DNMT1: variants seen among roughly 807,000 people sequenced by gnomAD.
DNMT1 encodes DNA (cytosine-5)-methyltransferase 1.
Under a neutral mutation model 205.3 loss-of-function variants are expected in DNMT1, and 24 were observed. The ratio of observed to expected loss-of-function variants is 0.12; its 90% CI spans 0.08 to 0.16. The LOEUF is 0.16. Ranked by LOEUF, DNMT1 falls within the 10% of genes least tolerant of loss-of-function variation. The pLI is 1.00. For synonymous variants in DNMT1, 817 were observed against 839.8 expected (o/e 0.97, Z 0.47); for missense variants, 1,293 against 2,177.7 (o/e 0.59, Z 8.09).
At chr19:10,168,567 G>A (rs2038740164) in intron 9 of DNMT1, among the ~76,000 whole-genome samples, 1 of 152,172 alleles carries the variant, frequency 6.6e-6, no homozygotes, top group East Asian at 1.9e-4. Context: ...CTTGTGCCAG[G>A]TGTTCAAGAC....
chr19:10,155,824 G>A (rs763939648), intron 19 of DNMT1, 29 bp downstream of exon 19: 16 of 1,605,478 alleles, frequency 1.0e-5, no homozygotes, highest in East Asian at 6.7e-5. Context: ...TTCAGACCCC[G>A]GCCAGCCTAT....
At chr19:10,148,116 CA>C (rs35310173) in intron 27 of DNMT1, among the ~76,000 whole-genome samples, 22,289 of 59,356 alleles carry the variant, frequency 0.38, 2,112 homozygotes, top group African/African-American at 0.39. Flanking sequence ...AACTCTGTCT[CA>C]AAAAAAAAAA....
chr19:10,193,753 G>A (rs2039347160), intron 1 of DNMT1, among the ~76,000 whole-genome samples: 1 of 151,956 alleles, frequency 6.6e-6, no homozygotes, highest in Non-Finnish European at 1.5e-5. Flanking sequence ...AACCGGACTG[G>A]CCCAACCAGG....
chr19:10,167,064 C>G (rs1034726746), intron 10 of DNMT1, among the ~76,000 whole-genome samples: 1 of 152,206 alleles, frequency 6.6e-6, no homozygotes, highest in African/African-American at 2.4e-5. Flanking sequence ...GGACAGCTGA[C>G]TGCACACAGG....
rs184111860 is a variant in DNMT1, at chr19:10,152,397, T to C, written c.2020-550A>G. Among the ~76,000 whole-genome samples, 793 of 144,952 alleles carry C rather than the reference T, an allele frequency of 5.5e-3. 24 individuals are homozygous for C. The highest frequency in any genetic ancestry group is 0.05 in the Admixed American group (730 of 14,622). Reference sequence around the variant, plus strand: ...GTACATTGGGAGGCTGAAGCAGAGGTAGATGGATCACTTGAGTCCAAGAGT... The same window carrying C: ...GTACATTGGGAGGCTGAAGCAGAGGCAGATGGATCACTTGAGTCCAAGAGT... On this transcript the variant is annotated intron_variant, in intron 22 of 40. Coordinates refer to ENST00000359526, the MANE Select transcript of DNMT1 (RefSeq NM_001130823.3).
intron 1 of DNMT1, among the ~76,000 whole-genome samples, chr19:10,185,843 GAA>G (rs57377594): frequency 2.7e-4 from 19 of 70,752 alleles, no homozygotes; most frequent in Middle Eastern, 9.6e-3. Context: ...TGTCTCAAAA[GAA>G]AAAAAAAAAA....
At chr19:10,142,402 CTG>C (rs929353586) in intron 29 of DNMT1, among the ~76,000 whole-genome samples, 182 bp from the exon 30 acceptor site, 6 of 149,084 alleles carry the variant, frequency 4.0e-5, no homozygotes, top group Non-Finnish European at 8.9e-5. Context: ...CCTCCCCACA[CTG>C]GGGAACTGCA....
chr19:10,182,122 A>C, intron 1 of DNMT1, 45 bp from the exon 2 acceptor site: 1 of 1,578,208 alleles, frequency 6.3e-7, no homozygotes, highest in Non-Finnish European at 8.7e-7. Context: ...CTTGTTAAGC[A>C]ACTTCATTTG....
At chr19:10,163,218 C>T in intron 12 of DNMT1, 108 bp downstream of exon 12, 1 of 1,268,816 alleles carries the variant, frequency 7.9e-7, no homozygotes, top group Non-Finnish European at 1.1e-6. Flanking sequence ...TCACCCACCT[C>T]AGCCTCCCAA....
In DNMT1 at chr19:10,194,846, G is replaced by C; in HGVS notation, c.54C>G (p.Ile18Met). 1 of 1,611,826 alleles carries C rather than the reference G, an allele frequency of 6.2e-7. No individual in the cohort carries two copies. The highest frequency in any genetic ancestry group is 8.5e-7 in the Non-Finnish European group (1 of 1,179,278). Residue 18 changes from isoleucine to methionine, a missense_variant, in exon 1 of 41, where the codon ATC becomes ATG. Coordinates refer to ENST00000359526, the MANE Select transcript of DNMT1 (RefSeq NM_001130823.3). ...ARVPTLAVPA[I>M]SLPDDVRRRL... ...GCCTGCGGACATCGTCGGGCAGCGA[G>C]ATGGCCGGGACGGCCAGTGTGGGCA...
intron 27 of DNMT1, among the ~76,000 whole-genome samples, chr19:10,147,011 C>A (rs972943935): frequency 7.2e-5 from 11 of 152,168 alleles, no homozygotes; most frequent in African/African-American, 2.7e-4. Context: ...GTAATCCCAG[C>A]CCTTTGGGAG....
At chr19:10,134,989 A>G (rs1322820285) in intron 39 of DNMT1, among the ~76,000 whole-genome samples, 1 of 151,940 alleles carries the variant, frequency 6.6e-6, no homozygotes, top group Non-Finnish European at 1.5e-5. Context: ...AGGCAGGCGG[A>G]TCACCTGAGG....
intron 1 of DNMT1, among the ~76,000 whole-genome samples, chr19:10,191,277 C>T (rs1195407485): frequency 6.7e-6 from 1 of 148,676 alleles, no homozygotes; most frequent in East Asian, 2.0e-4. Context: ...CAAGACCCTG[C>T]CTCAATTAAA....
intron 22 of DNMT1, among the ~76,000 whole-genome samples, chr19:10,152,580 C>G (rs566569478): frequency 6.6e-6 from 1 of 151,968 alleles, no homozygotes; most frequent in Non-Finnish European, 1.5e-5. Flanking sequence ...GGCAACATGG[C>G]AAAATCCCAT....
chr19:10,152,486 C>T (rs904208686), intron 22 of DNMT1, among the ~76,000 whole-genome samples: 2 of 151,832 alleles, frequency 1.3e-5, no homozygotes, highest in African/African-American at 2.4e-5. Context: ...ATTAGCCAGG[C>T]GTGTGACAAA....
At chr19:10,167,363 T>C (rs1056744731) in intron 10 of DNMT1, among the ~76,000 whole-genome samples, 1 of 151,918 alleles carries the variant, frequency 6.6e-6, no homozygotes, top group African/African-American at 2.4e-5. Context: ...ACCCAGCTAA[T>C]TTTTTGTATT....
At chr19:10,185,352 G>C (rs2039157918) in intron 1 of DNMT1, among the ~76,000 whole-genome samples, 1 of 151,678 alleles carries the variant, frequency 6.6e-6, no homozygotes, top group East Asian at 1.9e-4. Context: ...GTGAACCCGG[G>C]AGGTGAAGCT....
chr19:10,168,938 A>G (rs2038748922), intron 9 of DNMT1, among the ~76,000 whole-genome samples: 1 of 152,156 alleles, frequency 6.6e-6, no homozygotes, highest in Admixed American at 6.6e-5. Context: ...CCCAGGTTCA[A>G]ACAATTCTCC....
rs767308840 is a variant in DNMT1 at position 10,142,170 on chromosome 19, T to C, written c.3167A>G (p.Asn1056Ser). 40 of 1,613,896 alleles carry C rather than the reference T, an allele frequency of 2.5e-5. No homozygotes were observed. The highest frequency in any genetic ancestry group is 3.4e-5 in the Non-Finnish European group (40 of 1,180,020). Residue 1056 changes from asparagine (N) to serine (S), a missense_variant, in exon 30 of 41, where the codon AAC becomes AGC. Transcript: ENST00000359526. Reference protein sequence around the residue: ...STPASYHADINLLYWSDEEAV... With the variant: ...STPASYHADISLLYWSDEEAV... ...CTCCTCGTCGCTCCAGTAGAGCAGG[T>C]TGATGTCTGCGTGGTAGCTCGCTGG...
Sources: gnomAD v4.1 joint callset for allele counts (sites outside exome capture counted in the v4.1 genomes callset) on GRCh38, gnomAD v4.1.1 for gene constraint, MANE v1.5 for transcripts, NCBI Gene and HGNC (gene_info 2026-07-23, HGNC 2026-07-21) for gene names.